The following KCNH8 variants were observed in gnomAD, a reference collection of about 807,000 sequenced individuals.
KCNH8 encodes voltage-gated delayed rectifier potassium channel KCNH8.
A neutral mutation model predicts 103.6 loss-of-function variants in KCNH8; 70 were observed. The ratio of observed to expected loss-of-function variants is 0.68; its 90% CI spans 0.56 to 0.82. The LOEUF is 0.82. Among genes scored for constraint, KCNH8 ranks in the 40% least tolerant of loss-of-function variants. The pLI, the probability that KCNH8 is intolerant of heterozygous loss-of-function variation, is 0.00. For synonymous variants in KCNH8, 498 were observed against 489.4 expected (o/e 1.02, Z -0.23); for missense variants, 1,217 against 1,329.9 (o/e 0.92, Z 1.32).
Position 19,438,262 on chromosome 3 carries a change from T to G in KCNH8, c.1276T>G (p.Tyr426Asp). The G allele has an allele frequency of 1.2e-6, 2 of 1,614,058 alleles. No individual in the cohort carries two copies. The highest frequency in any genetic ancestry group is 1.7e-6 in the Non-Finnish European group (2 of 1,179,940). ...SIRSAYIAAL[Y>D]FTLSSLTSVG... ...CCGAAGTGCCTATATTGCCGCTCTG[T>G]ACTTCACGCTGAGCAGCCTCACCAG... The change falls in exon 8 of 16, where the codon TAC becomes GAC. Residue 426 changes from tyrosine (Y) to aspartate (D), a missense_variant. Tyr to Asp is a radical substitution (Grantham distance 160). Transcript: ENST00000328405.
At chr3:19,212,121 A>T (rs920148694) in intron 1 of KCNH8, among the ~76,000 whole-genome samples, 1 of 152,202 alleles carries the variant, frequency 6.6e-6, no homozygotes, top group African/African-American at 2.4e-5. Flanking sequence ...CACCTCTTTT[A>T]TCCAGATAGT....
intron 11 of KCNH8, among the ~76,000 whole-genome samples, chr3:19,506,450 T>C (rs1159220991): frequency 2.0e-5 from 3 of 152,194 alleles, no homozygotes; most frequent in African/African-American, 4.8e-5. Flanking sequence ...TGTTGAAGTT[T>C]GTGCTGTGAT....
chr3:19,295,916 A>G (rs1344876187), intron 3 of KCNH8, among the ~76,000 whole-genome samples: 1 of 152,018 alleles, frequency 6.6e-6, no homozygotes. Flanking sequence ...GTTTTGGGGG[A>G]TTTTGAGTCT....
chr3:19,483,654 G>T (rs2125216589), intron 11 of KCNH8, among the ~76,000 whole-genome samples: 1 of 152,258 alleles, frequency 6.6e-6, no homozygotes, highest in African/African-American at 2.4e-5. Context: ...GGAATTTCTG[G>T]TACTGGCACA....
intron 3 of KCNH8, among the ~76,000 whole-genome samples, chr3:19,335,143 T>C (rs921055057): frequency 1.3e-4 from 20 of 151,942 alleles, no homozygotes; most frequent in Admixed American, 1.1e-3. Flanking sequence ...TACTGTTGAG[T>C]ATTTTTAAAG....
At chr3:19,426,629 T>C (rs1455387069) in intron 7 of KCNH8, among the ~76,000 whole-genome samples, 1 of 150,972 alleles carries the variant, frequency 6.6e-6, no homozygotes, top group Non-Finnish European at 1.5e-5. Context: ...ATGTTGTGAG[T>C]TTAAATATTA....
intron 7 of KCNH8, among the ~76,000 whole-genome samples, chr3:19,435,040 C>CCACA (rs372666855): frequency 3.2e-4 from 48 of 151,688 alleles, no homozygotes; most frequent in African/African-American, 1.0e-3. Flanking sequence ...AATGTTCTCA[C>CCACA]CACACACACA....
chr3:19,498,510 T>G (rs2068496778), intron 11 of KCNH8, among the ~76,000 whole-genome samples: 1 of 152,178 alleles, frequency 6.6e-6, no homozygotes, highest in African/African-American at 2.4e-5. Context: ...TGAAGCTTAG[T>G]TTGGCTGGAT....
At chr3:19,503,651 C>G (rs1376835714) in intron 11 of KCNH8, among the ~76,000 whole-genome samples, 1 of 152,006 alleles carries the variant, frequency 6.6e-6, no homozygotes, top group African/African-American at 2.4e-5. Flanking sequence ...AATTGGAAAT[C>G]ATCATTCTCA....
chr3:19,337,280 A>G (rs2065597073), intron 3 of KCNH8, among the ~76,000 whole-genome samples: 1 of 152,140 alleles, frequency 6.6e-6, no homozygotes. Flanking sequence ...GTATTAAAAA[A>G]GAACCAAGAC....
chr3:19,268,604 A>G (rs1370084256), intron 2 of KCNH8, among the ~76,000 whole-genome samples: 2 of 151,970 alleles, frequency 1.3e-5, no homozygotes, highest in African/African-American at 4.8e-5. Context: ...TCATTTAACA[A>G]AGAACATTTT....
At position 19,527,993 on chromosome 3, in the gene KCNH8, A is replaced by G. The variant is rs944454906; in HGVS notation, c.2620-5402A>G. Among the ~76,000 whole-genome samples, 4 of 152,086 alleles carry G rather than the reference A, an allele frequency of 2.6e-5. No individual in the cohort carries two copies. In the East Asian group the frequency reaches 7.7e-4, roughly 29 times the overall value. ...AAGAGATAGAGAAATCTTGGATGTG[A>G]ACAATTGGTTATGCAGATGGTGATG... On this transcript the variant is annotated intron_variant, in intron 15 of 15. Coordinates refer to ENST00000328405, the MANE Select transcript of KCNH8 (RefSeq NM_144633.3).
intron 3 of KCNH8, among the ~76,000 whole-genome samples, chr3:19,316,566 A>G (rs1467354011): frequency 6.6e-6 from 1 of 151,992 alleles, no homozygotes; most frequent in African/African-American, 2.4e-5. Context: ...CCTAACATTT[A>G]GAAATAAAGC....
At chr3:19,308,687 T>C (rs1214728103) in intron 3 of KCNH8, among the ~76,000 whole-genome samples, 6 of 65,662 alleles carry the variant, frequency 9.1e-5, no homozygotes, top group African/African-American at 2.5e-4. Context: ...TCTCTCTCTC[T>C]CTCTCTCTCT....
intron 11 of KCNH8, among the ~76,000 whole-genome samples, chr3:19,508,768 C>A (rs989033764): frequency 3.9e-5 from 6 of 152,200 alleles, no homozygotes; most frequent in Non-Finnish European, 7.4e-5. Context: ...AATGAGATCC[C>A]TAAGTAATTC....
chr3:19,360,369 G>A (rs778461634), intron 5 of KCNH8, among the ~76,000 whole-genome samples: 3 of 152,090 alleles, frequency 2.0e-5, no homozygotes, highest in Non-Finnish European at 4.4e-5. Flanking sequence ...AAAGAATATA[G>A]AGCAGGGATT....
In KCNH8 at chr3:19,510,410, T is replaced by G; in HGVS notation, c.2079+9T>G. 1 of 1,528,368 alleles carries G rather than the reference T, an allele frequency of 6.5e-7. No homozygotes were observed. Among genetic ancestry groups the G allele is most frequent in the Non-Finnish European group, 9.1e-7 (1 of 1,102,180 alleles). 94.7% of individuals were successfully genotyped at this position (1,528,368 alleles called of 1,614,324 possible). A position where few individuals can be genotyped will look rare whatever the true frequency, so the allele number is the denominator to read the frequency against. ...AATCTATGGTCTCACAGGTATGGCT[T>G]TTGCTACACAGCAAAATATTTATCT... On this transcript the variant is annotated intron_variant, in intron 12 of 15. Transcript: ENST00000328405.
Position 19,513,314 on chromosome 3 carries a change from C to T in KCNH8, c.2424C>T (p.Asp808=), listed in dbSNP as rs1364441620. 1 of 1,595,838 alleles carries T rather than the reference C, an allele frequency of 6.3e-7. No homozygotes were observed. Among genetic ancestry groups the T allele is most frequent in the East Asian group, 2.2e-5 (1 of 44,788 alleles). ...LSTLNNAGPP[D]LSPRIVDGIE... ...CTTTGAATAATGCTGGACCCCCAGA[C>T]CTCAGTCCAAGGTAAGAGTTCATAT... The change falls in exon 13 of 16, where the codon GAC becomes GAT. Residue 808 remains aspartate, a synonymous_variant. Coordinates refer to ENST00000328405, the MANE Select transcript of KCNH8 (RefSeq NM_144633.3).
chr3:19,388,448 ACCTGTCTC>A (rs1203826051), intron 5 of KCNH8, among the ~76,000 whole-genome samples: 1 of 151,814 alleles, frequency 6.6e-6, no homozygotes, highest in Non-Finnish European at 1.5e-5. Flanking sequence ...CATTACATTG[ACCTGTCTC>A]CCTCACGGTG....
Sources: gnomAD v4.1 joint callset for allele counts (sites outside exome capture counted in the v4.1 genomes callset) on GRCh38, gnomAD v4.1.1 for gene constraint, MANE v1.5 for transcripts, NCBI Gene and HGNC (gene_info 2026-07-23, HGNC 2026-07-21) for gene names.